The following REV3L variants were observed in gnomAD, a reference collection of about 807,000 sequenced individuals.
The protein encoded by REV3L is REV3 like, DNA directed polymerase zeta catalytic subunit, also known as DNA polymerase zeta catalytic subunit.
In REV3L, 69 loss-of-function variants were observed where a neutral mutation model predicts 299.4. That is an observed-to-expected ratio of 0.23 (90% confidence interval 0.19 to 0.28). The LOEUF (loss-of-function observed/expected upper bound fraction) is 0.28, where lower values mean the gene tolerates loss of function less well. REV3L is among the 10% of genes least tolerant of loss of function. The probability of loss-of-function intolerance (pLI) is 1.00; values close to 1 mark genes in which losing one functional copy is unlikely to be tolerated. For synonymous variants in REV3L, 1,238 were observed against 1,271.4 expected (o/e 0.97, Z 0.56); for missense variants, 3,128 against 3,693.8 (o/e 0.85, Z 3.97).
chr6:111,477,871 T>C (rs1409109834), intron 1 of REV3L, among the ~76,000 whole-genome samples: 1 of 152,240 alleles, frequency 6.6e-6, no homozygotes, highest in African/African-American at 2.4e-5. Context: ...ATTAGGAGGC[T>C]ACTGTAGTAA....
intron 11 of REV3L, among the ~76,000 whole-genome samples, chr6:111,379,162 G>A (rs1459853315): frequency 6.6e-6 from 1 of 152,194 alleles, no homozygotes; most frequent in Non-Finnish European, 1.5e-5. Context: ...TATTACAGCA[G>A]TGACAATGTT....
intron 2 of REV3L, among the ~76,000 whole-genome samples, chr6:111,413,772 A>T (rs1406500714): frequency 6.6e-6 from 1 of 152,138 alleles, no homozygotes; most frequent in African/African-American, 2.4e-5. Flanking sequence ...ATGTATCCAG[A>T]TCTGTAACTC....
At chr6:111,359,036 A>G (rs56292338) in intron 16 of REV3L, 22 bp from the exon 17 acceptor site, 5 of 1,572,228 alleles carry the variant, frequency 3.2e-6, no homozygotes, top group African/African-American at 2.7e-5. Context: ...AATAAATACT[A>G]TGTTTTTAAA....
chr6:111,345,568 A>G (rs1776939577), intron 20 of REV3L, among the ~76,000 whole-genome samples: 2 of 151,996 alleles, frequency 1.3e-5, no homozygotes, highest in South Asian at 4.2e-4. Flanking sequence ...CACTCCCATA[A>G]TCATACCCCA....
intron 1 of REV3L, among the ~76,000 whole-genome samples, chr6:111,442,450 T>C (rs1296301296): frequency 6.6e-6 from 1 of 152,240 alleles, no homozygotes; most frequent in Non-Finnish European, 1.5e-5. Flanking sequence ...GCCTGATCTT[T>C]AGATACGCCA....
At chr6:111,480,824 GT>G in intron 1 of REV3L, among the ~76,000 whole-genome samples, 1 of 139,854 alleles carries the variant, frequency 7.2e-6, no homozygotes. Flanking sequence ...TTAGTCTTTG[GT>G]TTTTTCGTTT....
intron 1 of REV3L, among the ~76,000 whole-genome samples, chr6:111,452,119 T>A (rs1398383898): frequency 1.3e-5 from 2 of 150,532 alleles, no homozygotes; most frequent in African/African-American, 5.0e-5. Flanking sequence ...TTCAGATTCT[T>A]AGACCTTAGG....
chr6:111,304,152 CTTGA>C (rs1469383523), intron 31 of REV3L, among the ~76,000 whole-genome samples: 5 of 145,734 alleles, frequency 3.4e-5, no homozygotes, highest in African/African-American at 1.3e-4. Context: ...TTTCTGATCA[CTTGA>C]TTGGTCTTGG....
At chr6:111,452,738 G>A (rs751313994) in intron 1 of REV3L, among the ~76,000 whole-genome samples, 5 of 152,116 alleles carry the variant, frequency 3.3e-5, no homozygotes, top group Admixed American at 2.0e-4. Flanking sequence ...GTTATATGAC[G>A]GCATACGTTT....
intron 26 of REV3L, among the ~76,000 whole-genome samples, chr6:111,318,104 T>C (rs1582485021): frequency 2.6e-5 from 4 of 152,058 alleles, no homozygotes; most frequent in African/African-American, 9.6e-5. Context: ...TTTTTTTTTT[T>C]TGAGACGGAG....
In REV3L at chr6:111,374,687, T is replaced by G; in HGVS notation, c.3668A>C (p.His1223Pro). 1 of 1,613,516 alleles carries G rather than the reference T, an allele frequency of 6.2e-7. No homozygotes were observed. Among genetic ancestry groups the G allele is most frequent in the Middle Eastern group, 1.6e-4 (1 of 6,062 alleles). ...KTNEKGTSRKHTTLKDEKIKS... is the reference protein window; with the variant it reads ...KTNEKGTSRKPTTLKDEKIKS... ...TATTTTTTCATCCTTAAGTGTTGTA[T>G]GCTTTCTCGATGTACCTTTCTCATT... Residue 1223 changes from histidine (H) to proline (P), a missense_variant, in exon 13 of 32, where the codon CAT becomes CCT. Physicochemically the swap from His to Pro is moderately conservative, Grantham distance 77. Coordinates refer to ENST00000368802, the MANE Select transcript of REV3L (RefSeq NM_001372078.1).
At chr6:111,356,534 T>C (rs1238839215) in intron 18 of REV3L, 1 of 152,180 alleles carries the variant, frequency 6.6e-6, no homozygotes, top group East Asian at 1.9e-4. Context: ...CAGATAAATT[T>C]ATACAGAGAA....
At position 111,307,442 on chromosome 6, in the gene REV3L, A is replaced by G. The variant is rs1562482055; in HGVS notation, c.9171T>C (p.Cys3057=). The G allele has an allele frequency of 1.2e-6, 2 of 1,614,206 alleles. No individual in the cohort carries two copies. The highest frequency in any genetic ancestry group is 3.3e-5 in the Admixed American group (2 of 60,022). The change falls in exon 31 of 32, where the codon TGT becomes TGC. Residue 3057 remains cysteine (C), a synonymous_variant. Coordinates refer to ENST00000368802, the MANE Select transcript of REV3L (RefSeq NM_001372078.1). Reference sequence around the variant, plus strand: ...CTGCAACATGCTGAGGTTGGCTCCGACATTTACTACAGATGCCATGCTGAG... The same window carrying G: ...CTGCAACATGCTGAGGTTGGCTCCGGCATTTACTACAGATGCCATGCTGAG... ...DLTQHGICSK[C]RSQPQHVAVI...
chr6:111,431,381 AG>A, intron 1 of REV3L: 1 of 960,104 alleles, frequency 1.0e-6, no homozygotes, highest in South Asian at 1.3e-5. Flanking sequence ...ACAGGCTCAT[AG>A]CGCTGAAAGC....
chr6:111,357,507 A>G (rs1197846968), intron 17 of REV3L, among the ~76,000 whole-genome samples: 2 of 152,122 alleles, frequency 1.3e-5, no homozygotes, highest in Non-Finnish European at 2.9e-5. Flanking sequence ...CCTGGTTAAC[A>G]TGGTGAAACC....
chr6:111,333,027 A>G (rs552327763), intron 23 of REV3L, 96 bp downstream of exon 23: 1 of 1,397,466 alleles, frequency 7.2e-7, no homozygotes, highest in Admixed American at 1.9e-5. Context: ...GCTCATAGGG[A>G]AGGTGTCCAG....
intron 1 of REV3L, among the ~76,000 whole-genome samples, chr6:111,477,964 C>CA (rs1291835800): frequency 6.6e-6 from 1 of 152,094 alleles, no homozygotes; most frequent in Non-Finnish European, 1.5e-5. Flanking sequence ...CCAGATTTGC[C>CA]AAAAGATTTA....
At chr6:111,304,870 C>T (rs187839476) in intron 31 of REV3L, among the ~76,000 whole-genome samples, 4 of 151,536 alleles carry the variant, frequency 2.6e-5, no homozygotes, top group Non-Finnish European at 5.9e-5. Context: ...TCTGTTTCTG[C>T]GTTAATTTGC....
intron 1 of REV3L, among the ~76,000 whole-genome samples, chr6:111,419,746 A>G (rs1056518937): frequency 6.6e-6 from 1 of 152,198 alleles, no homozygotes; most frequent in Non-Finnish European, 1.5e-5. Flanking sequence ...CTTTTCCACT[A>G]TACTTCTAGA....
Sources: allele counts gnomAD v4.1 joint callset (sites outside exome capture counted in the v4.1 genomes callset), GRCh38; gene constraint gnomAD v4.1.1; transcripts MANE v1.5; gene names NCBI Gene and HGNC (gene_info 2026-07-23, HGNC 2026-07-21).